DCDC1: variants seen among roughly 807,000 people sequenced by gnomAD.
The protein encoded by DCDC1 is doublecortin domain containing 1.
Under a neutral mutation model 178.3 loss-of-function variants are expected in DCDC1, and 200 were observed. The ratio of observed to expected loss-of-function variants is 1.12; its 90% confidence interval spans 1.00 to 1.26. The LOEUF (loss-of-function observed/expected upper bound fraction) is 1.26. DCDC1 is among the 50% of genes most tolerant of loss of function. The probability of loss-of-function intolerance (pLI) is 0.00; values close to 1 mark genes in which losing one functional copy is unlikely to be tolerated. For missense variants in DCDC1, 1,983 were observed against 1,749.2 expected (o/e 1.13, Z -2.38); for synonymous variants, 690 against 604.8 (o/e 1.14, Z -2.07).
chr11:31,069,009 G>A (rs1269928071), intron 18 of DCDC1, among the ~76,000 whole-genome samples: 95 of 152,044 alleles, frequency 6.2e-4, no homozygotes, highest in Non-Finnish European at 3.1e-4. Flanking sequence ...ATGCCACCAC[G>A]CCTGGCTAAT....
chr11:30,883,040 G>A (rs1942830137), intron 36 of DCDC1: 1 of 152,498 alleles, frequency 6.6e-6, no homozygotes, highest in Non-Finnish European at 1.5e-5. Flanking sequence ...TCTAGGGACT[G>A]GGTATTTTTC....
chr11:31,246,293 G>C (rs1194984594), intron 8 of DCDC1, among the ~76,000 whole-genome samples: 2 of 151,950 alleles, frequency 1.3e-5, no homozygotes, highest in Admixed American at 1.3e-4. Context: ...ATGAGACTAT[G>C]AAAGAAAAGC....
intron 17 of DCDC1, among the ~76,000 whole-genome samples, chr11:31,085,775 A>G (rs1957435879): frequency 6.6e-6 from 1 of 152,078 alleles, no homozygotes; most frequent in Admixed American, 6.6e-5. Context: ...TGGTGCAATC[A>G]CGGCTCACTG....
At chr11:31,110,102 A>C (rs1292747706) in intron 12 of DCDC1, among the ~76,000 whole-genome samples, 158 bp downstream of exon 12, 1 of 152,202 alleles carries the variant, frequency 6.6e-6, no homozygotes, top group Non-Finnish European at 1.5e-5. Flanking sequence ...TAACGCTGAA[A>C]GCCTAAGAAA....
chr11:30,868,721 A>G (rs1467364126), intron 38 of DCDC1, among the ~76,000 whole-genome samples: 1 of 152,244 alleles, frequency 6.6e-6, no homozygotes, highest in Non-Finnish European at 1.5e-5. Context: ...TGTTTCTGGC[A>G]GCAGAGATCA....
intron 15 of DCDC1, among the ~76,000 whole-genome samples, chr11:31,100,864 G>C (rs1958461422): frequency 6.6e-6 from 1 of 152,002 alleles, no homozygotes; most frequent in Admixed American, 6.6e-5. Flanking sequence ...ATACCAACAG[G>C]ATCAGATCTA....
At position 31,035,869 on chromosome 11, in the gene DCDC1, T is replaced by C. The variant is rs144305421; in HGVS notation, c.2591+28600A>G. ...GGAATTCTCCTGTAAGAAAGAGTTG[T>C]TCCTTCTCTCCTATTCATTTATTTA... On this transcript the variant is annotated intron_variant, in intron 20 of 38. Transcript: ENST00000684477. Among the ~76,000 whole-genome samples the C allele has an allele frequency of 3.0e-3, 455 of 152,356 alleles. 3 individuals carry two copies. The highest frequency in any genetic ancestry group is 0.01 in the African/African-American group (427 of 41,574).
At chr11:31,325,442 A>G (rs1204936712) in intron 3 of DCDC1, among the ~76,000 whole-genome samples, 2 of 152,142 alleles carry the variant, frequency 1.3e-5, no homozygotes, top group Non-Finnish European at 2.9e-5. Flanking sequence ...AAATAAGAGG[A>G]TGAAACCTTT....
At chr11:31,077,551 A>C (rs750724706) in intron 18 of DCDC1, among the ~76,000 whole-genome samples, 4 of 152,190 alleles carry the variant, frequency 2.6e-5, no homozygotes, top group Non-Finnish European at 5.9e-5. Flanking sequence ...CAACAGTAGT[A>C]GATACTGATA....
intron 9 of DCDC1, among the ~76,000 whole-genome samples, chr11:31,148,602 C>T (rs901358083): frequency 2.0e-5 from 3 of 151,938 alleles, no homozygotes; most frequent in African/African-American, 7.3e-5. Flanking sequence ...CAAATTATAA[C>T]CCTTTAAATA....
intron 5 of DCDC1, 54 bp downstream of exon 5, chr11:31,306,178 A>G: frequency 1.4e-6 from 2 of 1,387,038 alleles, no homozygotes; most frequent in South Asian, 3.9e-5. Flanking sequence ...TTTATATTAT[A>G]AAGAGAGTAA....
At chr11:31,298,949 G>C (rs1307495863) in intron 6 of DCDC1, among the ~76,000 whole-genome samples, 2 of 152,282 alleles carry the variant, frequency 1.3e-5, no homozygotes, top group East Asian at 3.9e-4. Flanking sequence ...CTGTCAAGTA[G>C]GTATAGATAA....
intron 7 of DCDC1, among the ~76,000 whole-genome samples, chr11:31,290,016 C>A (rs781541500): frequency 6.6e-6 from 1 of 152,060 alleles, no homozygotes; most frequent in South Asian, 2.1e-4. Flanking sequence ...TTCAAATTCC[C>A]ATTAGCTCCT....
intron 20 of DCDC1, among the ~76,000 whole-genome samples, chr11:30,977,090 A>G (rs1950145988): frequency 6.6e-6 from 1 of 152,220 alleles, no homozygotes; most frequent in Non-Finnish European, 1.5e-5. Context: ...AGAAAGACAA[A>G]TATCACACAT....
At chr11:31,124,017 T>C (rs1318406700) in intron 11 of DCDC1, among the ~76,000 whole-genome samples, 2 of 152,054 alleles carry the variant, frequency 1.3e-5, no homozygotes, top group Admixed American at 1.3e-4. Context: ...CCTCTTTTGT[T>C]TGCTGGTATG....
At chr11:31,083,048 T>C (rs1046790911) in intron 17 of DCDC1, among the ~76,000 whole-genome samples, 1 of 152,230 alleles carries the variant, frequency 6.6e-6, no homozygotes, top group African/African-American at 2.4e-5. Context: ...CTGCTATTCC[T>C]TAACATTATA....
intron 9 of DCDC1, among the ~76,000 whole-genome samples, chr11:31,185,336 C>T (rs1303380109): frequency 2.6e-5 from 4 of 152,012 alleles, no homozygotes; most frequent in Non-Finnish European, 4.4e-5. Context: ...TGTAGCAAAC[C>T]ACGATGGCAC....
At chr11:31,071,185 T>A (rs963285436) in intron 18 of DCDC1, among the ~76,000 whole-genome samples, 1 of 152,140 alleles carries the variant, frequency 6.6e-6, no homozygotes, top group Non-Finnish European at 1.5e-5. Flanking sequence ...AACATTACAA[T>A]TTTTCTTAAT....
chr11:31,257,344 T>C (rs1203357918), intron 8 of DCDC1, among the ~76,000 whole-genome samples: 2 of 152,194 alleles, frequency 1.3e-5, no homozygotes, highest in Admixed American at 1.3e-4. Context: ...CTCTACATTT[T>C]ATCGTATAAA....
Sources: allele counts gnomAD v4.1 joint callset (sites outside exome capture counted in the v4.1 genomes callset), GRCh38; gene constraint gnomAD v4.1.1; transcripts MANE v1.5; gene names NCBI Gene and HGNC (gene_info 2026-07-23, HGNC 2026-07-21).